Variants in ARSB observed in about 807,000 individuals in gnomAD.
ARSB encodes arylsulfatase B.
Under a neutral mutation model 50.9 loss-of-function variants are expected in ARSB, and 41 were observed. The ratio of observed to expected loss-of-function variants is 0.81; its 90% CI spans 0.63 to 1.04. ARSB has a LOEUF of 1.04. Among genes scored for constraint, ARSB ranks in the 50% least tolerant of loss-of-function variants. ARSB has a pLI of 0.00. For synonymous variants in ARSB, 269 were observed against 284.8 expected, an observed-to-expected ratio of 0.94 and a Z score of 0.56; for missense variants, 672 against 693.3, an observed-to-expected ratio of 0.97 and a Z score of 0.35.
At chr5:78,889,049 C>A (rs1053261758) in intron 4 of ARSB, among the ~76,000 whole-genome samples, 4 of 152,184 alleles carry the variant, frequency 2.6e-5, no homozygotes, top group African/African-American at 7.2e-5. Context: ...ACAGATGGCA[C>A]CTGGCCGATG....
chr5:78,816,735 T>G (rs545229310), intron 6 of ARSB, among the ~76,000 whole-genome samples: 1 of 152,352 alleles, frequency 6.6e-6, no homozygotes, highest in East Asian at 1.9e-4. Flanking sequence ...TCTCCATTGC[T>G]GACTTTACCA....
chr5:78,840,924 A>G (rs1339451546), intron 5 of ARSB, among the ~76,000 whole-genome samples: 1 of 152,224 alleles, frequency 6.6e-6, no homozygotes. Context: ...ATGGAAGTAG[A>G]AATGATATGT....
At chr5:78,906,631 G>A (rs1014419971) in intron 4 of ARSB, among the ~76,000 whole-genome samples, 8 of 151,998 alleles carry the variant, frequency 5.3e-5, no homozygotes, top group African/African-American at 9.7e-5. Context: ...TATCATCCCT[G>A]CTGTTATATT....
chr5:78,862,002 A>G (rs1207755646), intron 5 of ARSB, among the ~76,000 whole-genome samples: 2 of 152,178 alleles, frequency 1.3e-5, no homozygotes, highest in Non-Finnish European at 2.9e-5. Context: ...TCACAACTGA[A>G]CTCCCATTCA....
intron 6 of ARSB, among the ~76,000 whole-genome samples, chr5:78,799,901 A>AC (rs1214289872): frequency 2.0e-5 from 3 of 152,180 alleles, no homozygotes; most frequent in African/African-American, 7.2e-5. Flanking sequence ...CCAGGGCAAC[A>AC]CCCCTACACC....
intron 1 of ARSB, among the ~76,000 whole-genome samples, chr5:78,975,569 G>T (rs1752630154): frequency 6.6e-6 from 1 of 152,092 alleles, no homozygotes; most frequent in Non-Finnish European, 1.5e-5. Flanking sequence ...TGGCCCCCTT[G>T]GTACCCAAGG....
At chr5:78,887,219 G>C (rs183420457) in intron 4 of ARSB, among the ~76,000 whole-genome samples, 27 of 152,314 alleles carry the variant, frequency 1.8e-4, no homozygotes, top group African/African-American at 6.3e-4. Flanking sequence ...GGCATCAGTT[G>C]CTGGTGAGGG....
chr5:78,804,713 T>C (rs1003269983), intron 6 of ARSB, among the ~76,000 whole-genome samples: 2 of 152,230 alleles, frequency 1.3e-5, no homozygotes, highest in Non-Finnish European at 2.9e-5. Context: ...GATAGCCTGG[T>C]AGGGACTGGC....
At chr5:78,795,411 G>A (rs567598864) in intron 6 of ARSB, among the ~76,000 whole-genome samples, 1 of 152,178 alleles carries the variant, frequency 6.6e-6, no homozygotes, top group Admixed American at 6.5e-5. Flanking sequence ...TGGGGAGGAG[G>A]GGGCTGGCTT....
In ARSB at chr5:78,811,535, A is replaced by AT. The variant is rs751429385; in HGVS notation, c.1213+27820dup. Among the ~76,000 whole-genome samples, 17 of 152,250 alleles carry AT rather than the reference A, an allele frequency of 1.1e-4. No homozygotes were observed. The East Asian group carries it at 1.2e-3, about 10-fold the overall frequency. On this transcript the variant is annotated intron_variant, in intron 6 of 7. Transcript: ENST00000264914. ...CACAATGGATTTATAAAAGAATACA[A>AT]TTTTTTTTAAAGGACAAAAGTAGTG...
At chr5:78,949,452 G>C (rs16876115) in intron 4 of ARSB, among the ~76,000 whole-genome samples, 5,302 of 152,228 alleles carry the variant, frequency 0.035, 288 homozygotes, top group African/African-American at 0.12. Flanking sequence ...AGTTAGTCCA[G>C]GTCCTTGGGT....
At chr5:78,835,879 C>T (rs184343377) in intron 6 of ARSB, among the ~76,000 whole-genome samples, 31 of 152,228 alleles carry the variant, frequency 2.0e-4, no homozygotes, top group African/African-American at 6.7e-4. Context: ...CTTCTTCTCC[C>T]GCAGTAAGCA....
intron 5 of ARSB, among the ~76,000 whole-genome samples, chr5:78,865,225 C>T (rs542142350): frequency 1.4e-4 from 22 of 152,296 alleles, no homozygotes; most frequent in African/African-American, 5.3e-4. Flanking sequence ...CAGGCATTTC[C>T]ACACATCTTC....
intron 4 of ARSB, among the ~76,000 whole-genome samples, chr5:78,893,556 A>G (rs97729): frequency 0.56 from 85,396 of 152,114 alleles, 26,242 homozygotes; most frequent in East Asian, 0.94. Flanking sequence ...GTCTGTTGAA[A>G]GATTGAAAAC....
intron 6 of ARSB, among the ~76,000 whole-genome samples, chr5:78,812,458 T>C (rs926736276): frequency 2.6e-5 from 4 of 152,182 alleles, no homozygotes; most frequent in African/African-American, 4.8e-5. Flanking sequence ...AACGTGTATA[T>C]GTAACAGATG....
In ARSB at chr5:78,964,577, A is replaced by G; in HGVS notation, c.529T>C (p.Ser177Pro). ...GYLLGSEDYY[S>P]HERCTLIDAL... is the part of the protein sequence containing the mutation. ...TCAATTAATGTACAGCGTTCATGGG[A>G]ATAATAATCTTCACTACCCAGGAGA... Residue 177 changes from serine (S) to proline (P), a missense_variant, in exon 3 of 8, where the codon TCC becomes CCC. Transcript: ENST00000264914. The G allele has an allele frequency of 6.2e-7, 1 of 1,613,860 alleles. No individual in the cohort carries two copies. The highest frequency in any genetic ancestry group is 8.5e-7 in the Non-Finnish European group (1 of 1,179,918).
rs147181414 is a variant in ARSB, at chr5:78,838,426, G to A, written c.1213+930C>T. Among the ~76,000 whole-genome samples the A allele has an allele frequency of 1.2e-4, 18 of 152,332 alleles. No individual in the cohort carries two copies. The East Asian group carries it at 2.5e-3, about 21-fold the overall frequency. On this transcript the variant is annotated intron_variant, in intron 6 of 7. Coordinates refer to ENST00000264914, the MANE Select transcript of ARSB (RefSeq NM_000046.5). The stretch of plus-strand genomic sequence containing the variant: ...GAGGCTGGCCGGGCAAGTGGGGCCC[G>A]AGTGCCTGGTGACACATTTAGAATG...
At chr5:78,813,871 T>C (rs570057145) in intron 6 of ARSB, among the ~76,000 whole-genome samples, 11 of 152,382 alleles carry the variant, frequency 7.2e-5, no homozygotes, top group African/African-American at 2.6e-4. Context: ...GAGGGTCATC[T>C]TCATTTTCTT....
At chr5:78,833,629 C>G (rs1744793530) in intron 6 of ARSB, among the ~76,000 whole-genome samples, 1 of 152,170 alleles carries the variant, frequency 6.6e-6, no homozygotes, top group Non-Finnish European at 1.5e-5. Flanking sequence ...ATGAAACAAC[C>G]AGAGGGAACA....
Sources: allele counts gnomAD v4.1 joint callset (sites outside exome capture counted in the v4.1 genomes callset), GRCh38; gene constraint gnomAD v4.1.1; transcripts MANE v1.5; gene names NCBI Gene and HGNC (gene_info 2026-07-23, HGNC 2026-07-21).